Variants in SOX5 observed in about 807,000 individuals in gnomAD.
SOX5 encodes SRY-box transcription factor 5.
A neutral mutation model predicts 92.0 loss-of-function variants in SOX5; 9 were observed. That is an observed-to-expected ratio of 0.10 (90% confidence interval 0.06 to 0.17). SOX5 has a LOEUF of 0.17. Among genes scored for constraint, SOX5 ranks in the 10% least tolerant of loss-of-function variants. The pLI is 1.00. For synonymous variants in SOX5, 344 were observed against 336.3 expected (o/e 1.02, Z -0.25); for missense variants, 642 against 944.5 (o/e 0.68, Z 4.20).
chr12:24,403,174 T>A (rs538587002), intron 1 of SOX5, among the ~76,000 whole-genome samples: 1 of 152,210 alleles, frequency 6.6e-6, no homozygotes, highest in African/African-American at 2.4e-5. Context: ...TATTTTCTCC[T>A]CTTTTCTGGC....
intron 4 of SOX5, among the ~76,000 whole-genome samples, chr12:24,079,427 A>G (rs1943057172): frequency 6.6e-6 from 1 of 152,002 alleles, no homozygotes; most frequent in Admixed American, 6.6e-5. Context: ...TTTTCCAAGG[A>G]CCTACAAAAT....
At chr12:24,198,511 AG>A in intron 4 of SOX5, among the ~76,000 whole-genome samples, 1 of 152,344 alleles carries the variant, frequency 6.6e-6, no homozygotes, top group African/African-American at 2.4e-5. Flanking sequence ...CTGTAAGCCC[AG>A]GAGGGCAGGG....
chr12:23,620,344 C>T (rs1458542971), intron 8 of SOX5, among the ~76,000 whole-genome samples: 5 of 152,008 alleles, frequency 3.3e-5, no homozygotes, highest in East Asian at 1.9e-4. Context: ...TTAGTCTAGA[C>T]ATAATATGGA....
chr12:24,367,744 A>G (rs1406873227), intron 2 of SOX5, among the ~76,000 whole-genome samples: 1 of 152,160 alleles, frequency 6.6e-6, no homozygotes, highest in Non-Finnish European at 1.5e-5. Flanking sequence ...TGTTCAATCT[A>G]AACAGTGTAT....
At chr12:24,250,165 T>C (rs1221920417) in intron 3 of SOX5, among the ~76,000 whole-genome samples, 4 of 152,234 alleles carry the variant, frequency 2.6e-5, no homozygotes, top group African/African-American at 9.6e-5. Flanking sequence ...AAAGAGTTGC[T>C]ACTACTACAA....
chr12:24,023,948 A>T (rs1038779901), intron 4 of SOX5, among the ~76,000 whole-genome samples: 1 of 152,146 alleles, frequency 6.6e-6, no homozygotes, highest in East Asian at 1.9e-4. Context: ...ATAAAAGTCA[A>T]TTATCTTTAC....
chr12:24,230,721 G>A (rs976187318), intron 3 of SOX5: 9 of 152,238 alleles, frequency 5.9e-5, no homozygotes, highest in South Asian at 4.2e-4. Context: ...AGCCGACACC[G>A]TCCCAGGAGT....
In SOX5 at chr12:23,938,089, C is replaced by T. The variant is rs938939036; in HGVS notation, c.38+11475G>A. ...TTAGACAACTGGCAACTAAGGTATT[C>T]ACTGTTCTCCACAAAATGTTCAGCT... On this transcript the variant is annotated intron_variant, in intron 1 of 14. Coordinates refer to ENST00000451604, the MANE Select transcript of SOX5 (RefSeq NM_006940.6). Among the ~76,000 whole-genome samples the T allele has an allele frequency of 7.9e-5, 12 of 151,014 alleles. No homozygotes were observed. In the East Asian group the frequency reaches 2.1e-3, roughly 27 times the overall value.
intron 1 of SOX5, among the ~76,000 whole-genome samples, chr12:24,398,242 G>A (rs566615504): frequency 2.6e-5 from 4 of 152,110 alleles, no homozygotes; most frequent in Non-Finnish European, 4.4e-5. Context: ...AGTGGCTCAC[G>A]CCTGTAATCC....
chr12:23,886,230 T>G (rs1349600915), intron 2 of SOX5, among the ~76,000 whole-genome samples: 6 of 152,216 alleles, frequency 3.9e-5, no homozygotes, highest in African/African-American at 4.8e-5. Flanking sequence ...GAAAGCCATA[T>G]GAATATGATT....
intron 1 of SOX5, among the ~76,000 whole-genome samples, chr12:24,389,413 G>T (rs1224969844): frequency 6.6e-6 from 1 of 152,108 alleles, no homozygotes; most frequent in Non-Finnish European, 1.5e-5. Context: ...TATTGTATGT[G>T]TACCTCTTTT....
chr12:24,022,402 G>A (rs1282881326), intron 4 of SOX5, among the ~76,000 whole-genome samples: 1 of 152,094 alleles, frequency 6.6e-6, no homozygotes, highest in Non-Finnish European at 1.5e-5. Flanking sequence ...AGTCTAAAGA[G>A]GTAGGACCCT....
intron 10 of SOX5, among the ~76,000 whole-genome samples, chr12:23,572,746 T>C (rs1035250462): frequency 4.6e-5 from 7 of 152,198 alleles, no homozygotes; most frequent in Non-Finnish European, 1.0e-4. Context: ...TTCTTTTACA[T>C]AGTACATGAA....
intron 4 of SOX5, among the ~76,000 whole-genome samples, chr12:24,153,510 C>T (rs565623354): frequency 7.9e-5 from 12 of 152,166 alleles, no homozygotes; most frequent in African/African-American, 1.4e-4. Flanking sequence ...TTCTAGAAAA[C>T]GCCAGGATAT....
chr12:24,548,437 C>T (rs566326178), intron 1 of SOX5, among the ~76,000 whole-genome samples: 4 of 152,010 alleles, frequency 2.6e-5, no homozygotes, highest in Non-Finnish European at 4.4e-5. Context: ...AATATCTGTA[C>T]GAGGGAGAAG....
intron 4 of SOX5, among the ~76,000 whole-genome samples, chr12:24,020,774 T>C (rs1471970189): frequency 6.6e-6 from 1 of 152,190 alleles, no homozygotes; most frequent in Non-Finnish European, 1.5e-5. Flanking sequence ...GAAGACCATA[T>C]GTAGTTCTGA....
intron 4 of SOX5, among the ~76,000 whole-genome samples, chr12:23,999,632 TC>T (rs2136350361): frequency 6.6e-6 from 1 of 152,008 alleles, no homozygotes; most frequent in Admixed American, 6.6e-5. Context: ...AATAAAAGAG[TC>T]TTTTACTTTA....
chr12:23,699,674 T>A (rs74813642), intron 6 of SOX5, among the ~76,000 whole-genome samples: 210 of 152,278 alleles, frequency 1.4e-3, no homozygotes, highest in African/African-American at 4.9e-3. Context: ...TGCTCCTTTG[T>A]GTGTTTTGCA....
At chr12:23,582,238 C>G (rs79792680) in intron 9 of SOX5, 1 of 984,916 alleles carries the variant, frequency 1.0e-6, no homozygotes, top group Non-Finnish European at 1.2e-6. Context: ...CCTCTTTCAC[C>G]TCTCCTACCC....
Sources: gnomAD v4.1 joint callset for allele counts (sites outside exome capture counted in the v4.1 genomes callset) on GRCh38, gnomAD v4.1.1 for gene constraint, MANE v1.5 for transcripts, NCBI Gene and HGNC (gene_info 2026-07-23, HGNC 2026-07-21) for gene names.